OR52I2: variants seen among roughly 807,000 people sequenced by gnomAD.
OR52I2 encodes olfactory receptor 52I2.
For missense variants in OR52I2, 350 were observed against 402.4 expected (o/e 0.87, Z 1.11); for synonymous variants, 147 against 151.9 (o/e 0.97, Z 0.24).
chr11:4,585,188 T>G (rs1846290038), intron 1 of OR52I2, among the ~76,000 whole-genome samples: 1 of 152,194 alleles, frequency 6.6e-6, no homozygotes, highest in Non-Finnish European at 1.5e-5. Flanking sequence ...ACTTTTCGAC[T>G]CTTCGCTATC....
exon 2 of OR52I2, chr11:4,592,238 ATC>A (rs1213091353): frequency 6.6e-6 from 1 of 152,220 alleles, no homozygotes; most frequent in African/African-American, 2.4e-5. Context: ...ATCTCAAAAT[ATC>A]TCTGTGAAGT....
At chr11:4,586,278 G>C (rs539646133) in intron 1 of OR52I2, among the ~76,000 whole-genome samples, 1 of 151,954 alleles carries the variant, frequency 6.6e-6, no homozygotes, top group East Asian at 1.9e-4. Flanking sequence ...TTTTTTATAG[G>C]CACTGTACCA....
chr11:4,587,279 T>A (rs1372827303), exon 2 of OR52I2: 1 of 1,613,814 alleles, frequency 6.2e-7, no homozygotes, highest in African/African-American at 1.3e-5. Context: ...TATGTAGCCA[T>A]CTGCAAGCCT....
At chr11:4,583,414 T>C (rs1846275498) in intron 1 of OR52I2, among the ~76,000 whole-genome samples, 1 of 152,302 alleles carries the variant, frequency 6.6e-6, no homozygotes, top group South Asian at 2.1e-4. Context: ...AGGGTAGGAA[T>C]ATCCTGGATC....
intron 1 of OR52I2, among the ~76,000 whole-genome samples, chr11:4,585,502 ACTT>A (rs1191235390): frequency 1.3e-5 from 2 of 152,180 alleles, no homozygotes; most frequent in African/African-American, 4.8e-5. Context: ...TAGGCTGACT[ACTT>A]CTATTTTGGG....
At chr11:4,590,430 C>T (rs1564861059) in exon 2 of OR52I2, 1 of 152,144 alleles carries the variant, frequency 6.6e-6, no homozygotes. Context: ...AACCGAGTGT[C>T]CTGTTCTTTG....
At chr11:4,585,759 C>A (rs1379354445) in intron 1 of OR52I2, among the ~76,000 whole-genome samples, 1 of 152,134 alleles carries the variant, frequency 6.6e-6, no homozygotes, top group South Asian at 2.1e-4. Flanking sequence ...TAGCTTAAAC[C>A]CAAAACTTAC....
rs141485776 is a variant in OR52I2 at position 4,587,129 on chromosome 11, C to T, written c.239C>T (p.Ser80Leu). The T allele has an allele frequency of 4.5e-4, 725 of 1,614,130 alleles. 2 individuals carry two copies. The African/African-American group carries it at 8.1e-3, about 18-fold the overall frequency. ...GCTGTGGACATTGTTATGGCCTCCT[C>T]GGTGGTACCCAAGATGGTGAGCATC... The change falls in exon 2 of 2, where the codon TCG becomes TTG. Residue 80 changes from serine to leucine, a missense_variant. Physicochemically the swap from Ser to Leu is moderately radical, Grantham distance 145. Transcript: ENST00000641896.
At chr11:4,584,193 A>G (rs1846281757) in intron 1 of OR52I2, among the ~76,000 whole-genome samples, 3 of 152,236 alleles carry the variant, frequency 2.0e-5, no homozygotes, top group Admixed American at 1.3e-4. Flanking sequence ...TTGGCAAATA[A>G]GCACACATCA....
intron 1 of OR52I2, among the ~76,000 whole-genome samples, chr11:4,585,444 A>G (rs1448729430): frequency 6.6e-6 from 1 of 152,150 alleles, no homozygotes; most frequent in Non-Finnish European, 1.5e-5. Flanking sequence ...CAATCATCCT[A>G]AGGAGAAAGT....
chr11:4,587,295 C>G (rs1328141067), exon 2 of OR52I2: 3 of 1,613,770 alleles, frequency 1.9e-6, no homozygotes, highest in Middle Eastern at 3.3e-4. Context: ...AGCCTCTACA[C>G]TACAAGAGAA....
chr11:4,589,291 T>A (rs1846333354), exon 2 of OR52I2: 1 of 152,200 alleles, frequency 6.6e-6, no homozygotes, highest in South Asian at 2.1e-4. Flanking sequence ...ACAATATGAC[T>A]CTCCATTGTT....
At position 4,583,611 on chromosome 11, in the gene OR52I2, A is replaced by G. The variant is rs1456777372; in HGVS notation, c.-20+1747A>G. Among the ~76,000 whole-genome samples the G allele has an allele frequency of 2.6e-5, 4 of 152,188 alleles. No individual in the cohort carries two copies. The South Asian group carries it at 6.2e-4, about 24-fold the overall frequency. ...TTCCCTAATCTTCTTGTGATCCATC[A>G]CTTAAGATGTCTCGCCCAGTGTCCC... On this transcript the variant is annotated intron_variant, in intron 1 of 1. Coordinates refer to ENST00000641896, the Ensembl canonical transcript of OR52I2.
At chr11:4,587,921 G>C in exon 2 of OR52I2, 1 of 1,423,104 alleles carries the variant, frequency 7.0e-7, no homozygotes, top group Non-Finnish European at 9.8e-7. Context: ...GATCTGCAGA[G>C]CTTAGTTTAC....
intron 1 of OR52I2, among the ~76,000 whole-genome samples, chr11:4,584,464 G>C (rs1170188540): frequency 6.6e-6 from 1 of 152,188 alleles, no homozygotes; most frequent in African/African-American, 2.4e-5. Context: ...ATAGGAAAAA[G>C]AGTTGAAGTA....
rs375705583 is a variant in OR52I2 at position 4,587,687 on chromosome 11, C to T, written c.797C>T (p.Ala266Val). The T allele has an allele frequency of 1.7e-5, 27 of 1,614,074 alleles. No individual in the cohort carries two copies. In the African/African-American group the frequency reaches 3.2e-4, roughly 19 times the overall value. The change falls in exon 2 of 2, where the codon GCC becomes GTC. Residue 266 changes from alanine (A) to valine (V), a missense_variant. Transcript: ENST00000641896. ...CCTGGGATGGCATCCATCTATGCGG[C>T]CTGGTTGGGGCAGGATGTAGTGCCC...
In OR52I2 at chr11:4,586,860, G is replaced by A. The variant is rs192487695; in HGVS notation, c.-19-12G>A. On this transcript the variant is annotated splice_polypyrimidine_tract_variant and intron_variant, in intron 1 of 1. Transcript: ENST00000641896. ...ATTGCATTCTTCTCATACATCATTTGTGCATTAACAGGAAAAAAGTCTCAC... is the reference window on the plus strand; with the variant it reads ...ATTGCATTCTTCTCATACATCATTTATGCATTAACAGGAAAAAAGTCTCAC... 30 of 1,614,012 alleles carry A rather than the reference G, an allele frequency of 1.9e-5. No homozygotes were observed. In the Admixed American group the frequency reaches 4.7e-4, roughly 25 times the overall value.
intron 1 of OR52I2, chr11:4,586,645 T>C: frequency 1.6e-6 from 1 of 635,116 alleles, no homozygotes; most frequent in Non-Finnish European, 2.7e-6. Context: ...GAAAAGGCTT[T>C]CCAAAGGAGG....
At chr11:4,586,201 T>G (rs1362060302) in intron 1 of OR52I2, among the ~76,000 whole-genome samples, 1 of 152,224 alleles carries the variant, frequency 6.6e-6, no homozygotes, top group African/African-American at 2.4e-5. Context: ...TATGTTGTTC[T>G]CTAATGATCT....
Sources: allele counts gnomAD v4.1 joint callset (sites outside exome capture counted in the v4.1 genomes callset), GRCh38; gene constraint gnomAD v4.1.1; transcripts MANE v1.5; gene names NCBI Gene and HGNC (gene_info 2026-07-23, HGNC 2026-07-21).